MMP16: variants seen among roughly 807,000 people sequenced by gnomAD.
MMP16 encodes the protein matrix metallopeptidase 16.
Under a neutral mutation model 67.8 loss-of-function variants are expected in MMP16, and 12 were observed. The ratio of observed to expected loss-of-function variants is 0.18; its 90% confidence interval spans 0.11 to 0.29. MMP16 has a LOEUF of 0.29. Ranked by LOEUF, MMP16 falls within the 10% of genes least tolerant of loss-of-function variation. MMP16 has a pLI of 1.00. For synonymous variants in MMP16, 249 were observed against 255.9 expected (o/e 0.97, Z 0.26); for missense variants, 475 against 765.7 (o/e 0.62, Z 4.48).
In MMP16 at chr8:88,041,689, A is replaced by G; in HGVS notation, c.1596T>C (p.Cys532=). The G allele has an allele frequency of 6.2e-7, 1 of 1,614,028 alleles. No homozygotes were observed. The highest frequency in any genetic ancestry group is 8.5e-7 in the Non-Finnish European group (1 of 1,179,978). Residue 532 remains cysteine (C), a synonymous_variant, in exon 10 of 10, where the codon TGT becomes TGC. Transcript: ENST00000286614. This position sits in a 1 kb window ranked among gnomAD's most constrained non-coding sequence, Gnocchi z 6.0. ...PRSILKDFMG[C]DGPTDRVKEG... is the part of the protein sequence containing the mutation. ...CTTTAACTCTGTCTGTTGGTCCATC[A>G]CAGCCCATAAAATCCTTGAGGATGG...
At chr8:88,282,093 G>T (rs58605417) in intron 1 of MMP16, among the ~76,000 whole-genome samples, 1 of 135,834 alleles carries the variant, frequency 7.4e-6, no homozygotes, top group Non-Finnish European at 1.6e-5. Flanking sequence ...GGGGGGGGGG[G>T]GGCGACGGGG....
At chr8:88,076,774 G>A (rs1424121147) in intron 6 of MMP16, among the ~76,000 whole-genome samples, 1 of 152,174 alleles carries the variant, frequency 6.6e-6, no homozygotes, top group Non-Finnish European at 1.5e-5. Flanking sequence ...TTATTGTAAT[G>A]TATATGCCAA....
intron 1 of MMP16, among the ~76,000 whole-genome samples, chr8:88,267,100 T>C (rs907159714): frequency 1.3e-5 from 2 of 152,176 alleles, no homozygotes; most frequent in African/African-American, 4.8e-5. Flanking sequence ...ACCTGACATC[T>C]GCCAATAAAT....
At chr8:88,268,320 C>T (rs1003969618) in intron 1 of MMP16, among the ~76,000 whole-genome samples, 1 of 152,086 alleles carries the variant, frequency 6.6e-6, no homozygotes, top group Non-Finnish European at 1.5e-5. Flanking sequence ...CTAACCTGGG[C>T]AACAAGAATG....
At chr8:88,288,752 G>T (rs1450277329) in intron 1 of MMP16, among the ~76,000 whole-genome samples, 9 of 152,134 alleles carry the variant, frequency 5.9e-5, no homozygotes, top group African/African-American at 2.2e-4. Flanking sequence ...TGTGTATCAA[G>T]ATTTGATTTA....
Position 88,327,326 on chromosome 8 carries a change from T to C in MMP16, c.-120A>G, listed in dbSNP as rs572310376. Reference sequence around the variant, plus strand: ...TCCGGGTGGGTAAGGAGCCTGCAGGTTCACCCACAGCCGGGCAAGGGGAGG... The same window carrying C: ...TCCGGGTGGGTAAGGAGCCTGCAGGCTCACCCACAGCCGGGCAAGGGGAGG... On this transcript the variant is annotated 5_prime_UTR_variant, in exon 1 of 10. Transcript: ENST00000286614. 2.0e-4 allele frequency: 242 copies of C among 1,210,902 alleles called. No individual in the cohort carries two copies. In the Middle Eastern group the frequency reaches 4.7e-3, roughly 24 times the overall value. 75.0% of individuals were successfully genotyped at this position (1,210,902 alleles called of 1,614,324 possible).
intron 1 of MMP16, among the ~76,000 whole-genome samples, chr8:88,243,079 T>C (rs1179587873): frequency 6.6e-6 from 1 of 152,162 alleles, no homozygotes; most frequent in Non-Finnish European, 1.5e-5. Flanking sequence ...CAGGATCCCA[T>C]GTTCTCAAGA....
intron 1 of MMP16, among the ~76,000 whole-genome samples, chr8:88,264,078 T>C (rs1346427125): frequency 6.6e-6 from 1 of 150,636 alleles, no homozygotes; most frequent in Admixed American, 6.6e-5. Flanking sequence ...AGTGTGTGTG[T>C]GTGTGTGTGT....
intron 1 of MMP16, among the ~76,000 whole-genome samples, chr8:88,279,455 A>C (rs1307677503): frequency 6.6e-6 from 1 of 152,150 alleles, no homozygotes; most frequent in African/African-American, 2.4e-5. Context: ...TGAAGGGGTG[A>C]GGTAACATCC....
chr8:88,286,614 C>T (rs1053201510), intron 1 of MMP16, among the ~76,000 whole-genome samples: 1 of 151,578 alleles, frequency 6.6e-6, no homozygotes, highest in Non-Finnish European at 1.5e-5. Flanking sequence ...CTGGCTCTGT[C>T]GCCCAGGCTG....
intron 1 of MMP16, among the ~76,000 whole-genome samples, chr8:88,256,300 A>C (rs112830581): frequency 6.6e-6 from 1 of 152,160 alleles, no homozygotes; most frequent in African/African-American, 2.4e-5. Context: ...TGTGTCTAAT[A>C]AGAATCAATC....
At chr8:88,194,101 A>G (rs1288701476) in intron 2 of MMP16, among the ~76,000 whole-genome samples, 1 of 152,004 alleles carries the variant, frequency 6.6e-6, no homozygotes, top group Non-Finnish European at 1.5e-5. Flanking sequence ...TTAAGGTAAT[A>G]CCTTAATTTA....
At chr8:88,212,881 G>A (rs1809533392) in intron 1 of MMP16, among the ~76,000 whole-genome samples, 1 of 152,150 alleles carries the variant, frequency 6.6e-6, no homozygotes, top group African/African-American at 2.4e-5. Flanking sequence ...GATATTTTCT[G>A]TATGTTTAGA....
chr8:88,262,818 T>C lies in MMP16; in HGVS notation c.132+64257A>G, dbSNP rs546958043. On this transcript the variant is annotated intron_variant, in intron 1 of 9. Coordinates refer to ENST00000286614, the MANE Select transcript of MMP16 (RefSeq NM_005941.5). The stretch of plus-strand genomic sequence containing the variant: ...GAGATCGTAGCCATCCTGGCTAACA[T>C]GGTGAAACCCCGTCTCTACTAAAAA... Among the ~76,000 whole-genome samples, 69 of 118,510 alleles carry C rather than the reference T, an allele frequency of 5.8e-4. 1 individual carries two copies. The South Asian group carries it at 0.013, about 23-fold the overall frequency. The allele number at this position is 118,510 out of a possible 152,430, so 77.7% of individuals were successfully genotyped here. A position where few individuals can be genotyped will look rare whatever the true frequency, so the allele number is the denominator to read the frequency against.
At chr8:88,311,935 G>T (rs971558994) in intron 1 of MMP16, among the ~76,000 whole-genome samples, 13 of 152,154 alleles carry the variant, frequency 8.5e-5, no homozygotes, top group African/African-American at 2.7e-4. Flanking sequence ...AAAGACTTAA[G>T]ATATACATTA....
intron 6 of MMP16, among the ~76,000 whole-genome samples, chr8:88,082,069 T>C (rs1014394689): frequency 1.3e-5 from 2 of 152,006 alleles, no homozygotes; most frequent in East Asian, 1.9e-4. Context: ...ATCTAATGTA[T>C]AAAGAACTCT....
chr8:88,224,373 T>C (rs1390905237), intron 1 of MMP16, among the ~76,000 whole-genome samples: 1 of 152,080 alleles, frequency 6.6e-6, no homozygotes, highest in East Asian at 1.9e-4. Flanking sequence ...GTACATATAC[T>C]ATAAACAGAT....
intron 1 of MMP16, among the ~76,000 whole-genome samples, chr8:88,229,137 A>AT (rs1395304956): frequency 6.6e-6 from 1 of 152,094 alleles, no homozygotes; most frequent in Non-Finnish European, 1.5e-5. Flanking sequence ...TGATGGAAAA[A>AT]TGCAAAGGAA....
chr8:88,197,237 T>C lies in MMP16; in HGVS notation c.202A>G (p.Thr68Ala). The C allele has an allele frequency of 6.2e-7, 1 of 1,612,296 alleles. No homozygotes were observed. Among genetic ancestry groups the C allele is most frequent in the Non-Finnish European group, 8.5e-7 (1 of 1,179,444 alleles). ...ATGGCAGCTAGGGCAGACTGCATGGTCTCTGCAGAGCGCAGCACTGACATT... is the reference window on the plus strand; with the variant it reads ...ATGGCAGCTAGGGCAGACTGCATGGCCTCTGCAGAGCGCAGCACTGACATT... ...PRMSVLRSAE[T>A]MQSALAAMQQ... The change falls in exon 2 of 10, where the codon ACC becomes GCC. Residue 68 changes from threonine to alanine, a missense_variant. This residue lies in a region of MMP16 where 170 missense variants were observed against 239.6 expected (regional missense o/e 0.71). Coordinates refer to ENST00000286614, the MANE Select transcript of MMP16 (RefSeq NM_005941.5).
Sources: allele counts gnomAD v4.1 joint callset (sites outside exome capture counted in the v4.1 genomes callset), GRCh38; gene constraint gnomAD v4.1.1; regional missense constraint gnomAD v4.1.1; non-coding constraint Gnocchi (gnomAD v3.1); transcripts MANE v1.5; gene names NCBI Gene and HGNC (gene_info 2026-07-23, HGNC 2026-07-21).